WDR64: variants seen among roughly 807,000 people sequenced by gnomAD.
The protein encoded by WDR64 is WD repeat-containing protein 64.
In WDR64, 112 loss-of-function variants were observed where a neutral mutation model predicts 139.3. The observed-to-expected ratio is 0.80, with a 90% CI of 0.69 to 0.94. The LOEUF is 0.94. Ranked by LOEUF, WDR64 falls within the 40% of genes least tolerant of loss-of-function variation. The pLI is 0.00. For missense variants in WDR64, 1,206 were observed against 1,293.1 expected (o/e 0.93, Z 1.03); for synonymous variants, 444 against 437.7 (o/e 1.01, Z -0.18).
chr1:241,736,428 A>AG (rs1669328269), intron 10 of WDR64, among the ~76,000 whole-genome samples: 1 of 151,866 alleles, frequency 6.6e-6, no homozygotes, highest in Admixed American at 6.6e-5. Context: ...AAAAAAAAAA[A>AG]AAAAAGAGTA....
intron 15 of WDR64, among the ~76,000 whole-genome samples, chr1:241,758,459 C>A (rs1202741753): frequency 6.6e-6 from 1 of 152,130 alleles, no homozygotes; most frequent in East Asian, 1.9e-4. Flanking sequence ...TATTTGGTTA[C>A]ACTGAGGTAC....
chr1:241,699,922 T>TA (rs2148143514), intron 8 of WDR64, among the ~76,000 whole-genome samples: 1 of 151,714 alleles, frequency 6.6e-6, no homozygotes, highest in Admixed American at 6.6e-5. Flanking sequence ...AACAAGAGAG[T>TA]AAAAAAATGT....
chr1:241,771,968 A>G (rs898206103), intron 19 of WDR64, among the ~76,000 whole-genome samples: 4 of 132,138 alleles, frequency 3.0e-5, no homozygotes, highest in South Asian at 2.3e-4. Context: ...ATATATATAT[A>G]TATATATATA....
intron 9 of WDR64, among the ~76,000 whole-genome samples, chr1:241,718,876 T>A (rs920295441): frequency 2.6e-5 from 4 of 152,042 alleles, no homozygotes; most frequent in African/African-American, 9.7e-5. Context: ...GGAGCTGGTG[T>A]CTCTTCTAAT....
chr1:241,708,391 A>T (rs916346934), intron 8 of WDR64, among the ~76,000 whole-genome samples: 2 of 152,180 alleles, frequency 1.3e-5, no homozygotes, highest in African/African-American at 4.8e-5. Context: ...ATTTCAGCTC[A>T]CTGGAACTTC....
chr1:241,716,568 G>A (rs191564092), intron 9 of WDR64, among the ~76,000 whole-genome samples: 203 of 152,164 alleles, frequency 1.3e-3, no homozygotes, highest in African/African-American at 4.0e-3. Context: ...AGGTCAGGTT[G>A]TATTCCTAAC....
At chr1:241,739,139 T>C (rs1669437898) in intron 11 of WDR64, among the ~76,000 whole-genome samples, 1 of 152,212 alleles carries the variant, frequency 6.6e-6, no homozygotes, top group African/African-American at 2.4e-5. Flanking sequence ...GTCCCAGTGC[T>C]GATGCCAACA....
intron 2 of WDR64, among the ~76,000 whole-genome samples, chr1:241,666,923 T>C (rs1666045249): frequency 6.6e-6 from 1 of 152,208 alleles, no homozygotes; most frequent in Non-Finnish European, 1.5e-5. Flanking sequence ...TAGTAGACAG[T>C]AGAACCAAGA....
At chr1:241,711,691 G>T in intron 8 of WDR64, 111 bp from the exon 9 acceptor site, 1 of 1,079,790 alleles carries the variant, frequency 9.3e-7, no homozygotes, top group Non-Finnish European at 1.4e-6. Context: ...GGGGGCAAAT[G>T]GATTTACAAC....
intron 9 of WDR64, among the ~76,000 whole-genome samples, chr1:241,713,434 A>C (rs1668268922): frequency 6.9e-6 from 1 of 144,156 alleles, no homozygotes; most frequent in Non-Finnish European, 1.5e-5. Context: ...GAAGGAAGGA[A>C]GGGAAGGAAA....
chr1:241,738,691 C>A (rs766221692), intron 11 of WDR64, among the ~76,000 whole-genome samples: 1 of 152,166 alleles, frequency 6.6e-6, no homozygotes, highest in Non-Finnish European at 1.5e-5. Context: ...TGTGTAACTG[C>A]ACTTTTCTGA....
At chr1:241,666,067 T>TA (rs1324232874) in intron 2 of WDR64, among the ~76,000 whole-genome samples, 1 of 152,090 alleles carries the variant, frequency 6.6e-6, no homozygotes, top group African/African-American at 2.4e-5. Context: ...TATAATCAGA[T>TA]AAAAATGAAG....
At chr1:241,735,533 C>CTTTTTTTTTTTTTTTTTTT (rs58339742) in intron 10 of WDR64, among the ~76,000 whole-genome samples, 2 of 103,514 alleles carry the variant, frequency 1.9e-5, no homozygotes, top group African/African-American at 3.8e-5. Flanking sequence ...CTCTCTCTCT[C>CTTTTTTTTTTTTTTTTTTT]TTTTTTTTTT....
At chr1:241,781,959 T>C (rs1347695471) in intron 22 of WDR64, among the ~76,000 whole-genome samples, 3 of 152,172 alleles carry the variant, frequency 2.0e-5, no homozygotes, top group African/African-American at 7.2e-5. Context: ...GAAAGAAACC[T>C]TGGATGACCA....
intron 2 of WDR64, 130 bp from the exon 3 acceptor site, chr1:241,670,944 C>A (rs1666202591): frequency 6.4e-6 from 4 of 620,552 alleles, no homozygotes; most frequent in Non-Finnish European, 1.1e-5. Context: ...AGGGAACCCC[C>A]TGACATTCAC....
chr1:241,754,492 G>T (rs527946847), intron 14 of WDR64, among the ~76,000 whole-genome samples: 9 of 151,640 alleles, frequency 5.9e-5, no homozygotes, highest in Middle Eastern at 3.4e-3. Flanking sequence ...GCTAATTTTT[G>T]TATTTTTAGT....
rs546649153 is a variant in WDR64 at position 241,687,413 on chromosome 1, C to A, written c.840-48C>A. 126 of 1,601,734 alleles carry A rather than the reference C, an allele frequency of 7.9e-5. No homozygotes were observed. The African/African-American group carries it at 1.4e-3, about 18-fold the overall frequency. ...AATTGCTGAATAGAAACATATTATA[C>A]GTTTGTGTGTCTAACATAAATCTCC... On this transcript the variant is annotated intron_variant, in intron 7 of 27. Transcript: ENST00000437684.
In WDR64 at chr1:241,766,150, A is replaced by G. The variant is rs1296976344; in HGVS notation, c.1948-68A>G. 2.6e-6 allele frequency: 4 copies of G among 1,512,496 alleles called. No homozygotes were observed. The African/African-American group carries it at 5.5e-5, about 21-fold the overall frequency. 93.7% of individuals were successfully genotyped at this position (1,512,496 alleles called of 1,614,324 possible). On this transcript the variant is annotated intron_variant, in intron 15 of 27. Transcript: ENST00000437684. ...TAAGTTGATGACAATTACAAAGTGT[A>G]CACATGGCGTTTGCACCGCGAATCA...
chr1:241,723,455 C>T lies in WDR64; in HGVS notation c.1194+19C>T. 6.2e-7 allele frequency: 1 copy of T among 1,609,972 alleles called. No homozygotes were observed. Among genetic ancestry groups the T allele is most frequent in the African/African-American group, 1.3e-5 (1 of 74,818 alleles). ...TGCAAAGGTAACAAAAAGAAAATAA[C>T]AAAACAAAACTAGTTTTTTCCGGAA... On this transcript the variant is annotated intron_variant, in intron 10 of 27. Transcript: ENST00000437684.
Sources: gnomAD v4.1 joint callset for allele counts (sites outside exome capture counted in the v4.1 genomes callset) on GRCh38, gnomAD v4.1.1 for gene constraint, MANE v1.5 for transcripts, NCBI Gene and HGNC (gene_info 2026-07-23, HGNC 2026-07-21) for gene names.